Variants in BBS1 observed in about 807,000 individuals in gnomAD.
BBS1 encodes BBSome complex member BBS1.
In BBS1, 60 loss-of-function variants were observed where a neutral mutation model predicts 73.9. The observed-to-expected ratio is 0.81, with a 90% CI of 0.66 to 1.01. The LOEUF (loss-of-function observed/expected upper bound fraction) is 1.01. BBS1 is among the 50% of genes least tolerant of loss of function. The pLI is 0.00. For missense variants in BBS1, 718 were observed against 770.3 expected (o/e 0.93, Z 0.80); for synonymous variants, 283 against 317.4 (o/e 0.89, Z 1.15).
intron 9 of BBS1, among the ~76,000 whole-genome samples, chr11:66,522,420 T>A (rs1856284040): frequency 1.3e-5 from 2 of 151,620 alleles, no homozygotes. Flanking sequence ...CGATCTCGGC[T>A]TACTGCAACC....
At chr11:66,520,898 T>C (rs1300268841) in intron 8 of BBS1, 3 of 340,120 alleles carry the variant, frequency 8.8e-6, no homozygotes, top group Admixed American at 4.3e-5. Context: ...TTTGTACTTT[T>C]GGTAGAGACA....
chr11:66,519,358 G>A (rs534174674), intron 7 of BBS1, among the ~76,000 whole-genome samples: 51 of 152,108 alleles, frequency 3.4e-4, no homozygotes, highest in African/African-American at 1.2e-3. Context: ...GCGACAGAGC[G>A]AGAACCTGTC....
chr11:66,530,398 C>A (rs529144480), intron 14 of BBS1, among the ~76,000 whole-genome samples: 23 of 152,212 alleles, frequency 1.5e-4, no homozygotes, highest in African/African-American at 7.2e-5. Context: ...AAAGGAGGAA[C>A]CCCGCAAGGC....
Position 66,532,205 on chromosome 11 carries a change from G to C in BBS1, c.*168G>C. The C allele has an allele frequency of 9.9e-6, 7 of 709,060 alleles. No homozygotes were observed. The highest frequency in any genetic ancestry group is 1.4e-5 in the Non-Finnish European group (6 of 430,422). The allele number at this position is 709,060 out of a possible 1,614,324, so 43.9% of individuals were successfully genotyped here. On this transcript the variant is annotated 3_prime_UTR_variant, in exon 17 of 17. Transcript: ENST00000318312. ...CCCCACTGTTGGGCCTATAGTAGCAGGTTAGTGAGTACCTAGGGCGGCTCA... is the reference window on the plus strand; with the variant it reads ...CCCCACTGTTGGGCCTATAGTAGCACGTTAGTGAGTACCTAGGGCGGCTCA...
chr11:66,529,704 G>A (rs1277471180), intron 13 of BBS1, 115 bp from the exon 14 acceptor site: 2 of 1,344,864 alleles, frequency 1.5e-6, no homozygotes, highest in African/African-American at 2.9e-5. Context: ...GACTCCTCCT[G>A]CAGCACCCTC....
chr11:66,515,744 T>C lies in BBS1; in HGVS notation c.518+13T>C, dbSNP rs1266439975. 1 of 1,614,102 alleles carries C rather than the reference T, an allele frequency of 6.2e-7. No homozygotes were observed. The highest frequency in any genetic ancestry group is 1.3e-5 in the African/African-American group (1 of 75,024). The stretch of plus-strand genomic sequence containing the variant: ...TCCAGTCACTCAGGTAAGGACCCTG[T>C]GGAGGGCCAGGGTTTGGGAGGCTCC... On this transcript the variant is annotated intron_variant, in intron 6 of 16. Transcript: ENST00000318312.
intron 8 of BBS1, 188 bp from the exon 9 acceptor site, chr11:66,521,082 C>T (rs543315626): frequency 1.6e-6 from 1 of 642,478 alleles, no homozygotes; most frequent in Non-Finnish European, 2.8e-6. Flanking sequence ...AGTCAAAAGG[C>T]ACAGACTAAA....
intron 7 of BBS1, among the ~76,000 whole-genome samples, chr11:66,518,419 G>A (rs578105971): frequency 3.3e-5 from 5 of 151,376 alleles, no homozygotes; most frequent in African/African-American, 7.3e-5. Context: ...CATCATGCCT[G>A]GGCTAATGGT....
chr11:66,515,674 C>G lies in BBS1; in HGVS notation c.480-19C>G. The G allele has an allele frequency of 5.6e-6, 9 of 1,614,220 alleles. No homozygotes were observed. Among genetic ancestry groups the G allele is most frequent in the Non-Finnish European group, 7.6e-6 (9 of 1,180,046 alleles). ...CCCATTCTTCCATTCGGCTGCCATG[C>G]TGGCCCCTTTCCTTGCAGGGAGACG... On this transcript the variant is annotated intron_variant, in intron 5 of 16. Transcript: ENST00000318312.
chr11:66,510,715 A>T lies in BBS1; in HGVS notation c.47+9A>T, dbSNP rs755329603. On this transcript the variant is annotated intron_variant, in intron 1 of 16. Coordinates refer to ENST00000318312, the MANE Select transcript of BBS1 (RefSeq NM_024649.5). Reference sequence around the variant, plus strand: ...GCCTGCGGAGCTGAGAGGTGAAGGCAGGGCTCCTCAAGGCCTCTTTTCCCA... The same window carrying T: ...GCCTGCGGAGCTGAGAGGTGAAGGCTGGGCTCCTCAAGGCCTCTTTTCCCA... 1 of 1,614,124 alleles carries T rather than the reference A, an allele frequency of 6.2e-7. No homozygotes were observed. Among genetic ancestry groups the T allele is most frequent in the African/African-American group, 1.3e-5 (1 of 75,058 alleles).
intron 3 of BBS1, among the ~76,000 whole-genome samples, chr11:66,513,772 G>A (rs967377083): frequency 2.0e-5 from 3 of 152,204 alleles, no homozygotes; most frequent in African/African-American, 7.2e-5. Context: ...CAGTATCCAG[G>A]AGTTCTTGGG....
rs1856006743 is a variant in BBS1, at chr11:66,514,403, C to A, written c.160-3C>A. 1.2e-6 allele frequency: 2 copies of A among 1,613,956 alleles called. No individual in the cohort carries two copies. Among genetic ancestry groups the A allele is most frequent in the African/African-American group, 1.3e-5 (1 of 74,940 alleles). On this transcript the variant is annotated splice_region_variant and splice_polypyrimidine_tract_variant and intron_variant, in intron 3 of 16. Transcript: ENST00000318312. ...CCTAGAATGAGCCATCCTCTCCCTGCAGCTGGTGGTAGGGGACCTTGGCCC... is the reference window on the plus strand; with the variant it reads ...CCTAGAATGAGCCATCCTCTCCCTGAAGCTGGTGGTAGGGGACCTTGGCCC...
intron 14 of BBS1, 100 bp from the exon 15 acceptor site, chr11:66,530,794 G>A: frequency 2.0e-6 from 3 of 1,513,942 alleles, no homozygotes; most frequent in East Asian, 2.3e-5. Flanking sequence ...AGTAGGAGGA[G>A]GGGACATGAG....
At chr11:66,517,640 G>C (rs1458441596) in intron 7 of BBS1, among the ~76,000 whole-genome samples, 1 of 151,218 alleles carries the variant, frequency 6.6e-6, no homozygotes, top group Non-Finnish European at 1.5e-5. Context: ...GCTAATTTTT[G>C]TATTTTTAGT....
intron 7 of BBS1, 116 bp from the exon 8 acceptor site, chr11:66,519,501 C>G: frequency 7.0e-7 from 1 of 1,429,910 alleles, no homozygotes; most frequent in Admixed American, 1.9e-5. Flanking sequence ...TGTCACATCT[C>G]TGATATTTCC....
chr11:66,529,063 A>G, intron 13 of BBS1: 1 of 984,828 alleles, frequency 1.0e-6, no homozygotes, highest in Non-Finnish European at 1.2e-6. Context: ...AAATTGTAAA[A>G]GTACTAGAGA....
In BBS1 at chr11:66,512,153, AAAAG is replaced by A. The variant is rs1276302336; in HGVS notation, c.159+919_159+922del. On this transcript the variant is annotated intron_variant, in intron 3 of 16. Coordinates refer to ENST00000318312, the MANE Select transcript of BBS1 (RefSeq NM_024649.5). ...TAAAGGTAGAGAAATATATTGGGAT[AAAAG>A]AAAGGAAGTTAGCATGGATTCAGTA... Among the ~76,000 whole-genome samples, 7 of 151,848 alleles carry A rather than the reference AAAAG, an allele frequency of 4.6e-5. No individual in the cohort carries two copies. In the East Asian group the frequency reaches 1.2e-3, roughly 25 times the overall value.
At chr11:66,530,841 C>A (rs1053933472) in intron 14 of BBS1, 53 bp from the exon 15 acceptor site, 9 of 1,612,878 alleles carry the variant, frequency 5.6e-6, no homozygotes, top group African/African-American at 1.3e-5. Flanking sequence ...CACTGTACTC[C>A]GTGCCCAAGG....
At chr11:66,521,515 GC>G in intron 9 of BBS1, 139 bp downstream of exon 9, 1 of 736,696 alleles carries the variant, frequency 1.4e-6, no homozygotes. Flanking sequence ...AGGAGGCTGA[GC>G]CCACAAACAC....
Sources: allele counts gnomAD v4.1 joint callset (sites outside exome capture counted in the v4.1 genomes callset), GRCh38; gene constraint gnomAD v4.1.1; transcripts MANE v1.5; gene names NCBI Gene and HGNC (gene_info 2026-07-23, HGNC 2026-07-21).